SNRPD3: variants seen among roughly 807,000 people sequenced by gnomAD.
SNRPD3 encodes the protein small nuclear ribonucleoprotein D3 polypeptide.
For synonymous variants in SNRPD3, 66 were observed against 58.4 expected (o/e 1.13, Z -0.59); for missense variants, 73 against 167.5 (o/e 0.44, Z 3.11).
At chr22:24,568,848 C>T (rs1326573777) in intron 3 of SNRPD3, among the ~76,000 whole-genome samples, 1 of 152,210 alleles carries the variant, frequency 6.6e-6, no homozygotes, top group Non-Finnish European at 1.5e-5. Flanking sequence ...AGCCACTGCG[C>T]CCGGCTTATT....
chr22:24,565,646 T>G (rs1391010314), intron 2 of SNRPD3, among the ~76,000 whole-genome samples: 1 of 151,916 alleles, frequency 6.6e-6, no homozygotes, highest in African/African-American at 2.4e-5. Flanking sequence ...CCAAAACACG[T>G]TTTTTGTTTG....
intron 2 of SNRPD3, among the ~76,000 whole-genome samples, chr22:24,566,175 G>C (rs1487363347): frequency 1.3e-5 from 2 of 152,190 alleles, no homozygotes; most frequent in African/African-American, 2.4e-5. Context: ...CTGGAGCCCT[G>C]TTGCCCCTGA....
At chr22:24,566,703 C>A (rs2045199732) in intron 2 of SNRPD3, among the ~76,000 whole-genome samples, 1 of 152,146 alleles carries the variant, frequency 6.6e-6, no homozygotes, top group Non-Finnish European at 1.5e-5. Flanking sequence ...AAGGGCTGAC[C>A]CATTCTAAAT....
intron 2 of SNRPD3, among the ~76,000 whole-genome samples, chr22:24,563,977 C>T (rs1412754889): frequency 1.4e-5 from 2 of 144,224 alleles, no homozygotes; most frequent in Admixed American, 7.2e-5. Context: ...AGACACCTAG[C>T]CCTCTAGGTT....
chr22:24,572,061 G>A lies in SNRPD3; in HGVS notation c.*84G>A. 1.3e-6 allele frequency: 2 copies of A among 1,585,158 alleles called. No homozygotes were observed. The highest frequency in any genetic ancestry group is 1.7e-6 in the Non-Finnish European group (2 of 1,165,072). ...AGTGGGTGCTTGTGCATATATGCTA[G>A]GTATCTTTTGCCATCTTTCTCTTTA... On this transcript the variant is annotated 3_prime_UTR_variant, in exon 4 of 4. Coordinates refer to ENST00000215829, the MANE Select transcript of SNRPD3 (RefSeq NM_004175.5).
intron 1 of SNRPD3, among the ~76,000 whole-genome samples, chr22:24,556,438 T>G (rs2045067344): frequency 6.6e-6 from 1 of 151,278 alleles, no homozygotes; most frequent in African/African-American, 2.4e-5. Flanking sequence ...CTCGAACTCC[T>G]GGGCTCAAGG....
upstream of SNRPD3, chr22:24,555,799 G>A (rs1014176355): frequency 6.5e-7 from 1 of 1,548,768 alleles, no homozygotes; most frequent in South Asian, 1.2e-5. Context: ...CCCAAGGGTC[G>A]TTGCGGCGGC....
chr22:24,564,518 A>G (rs960388746), intron 2 of SNRPD3, among the ~76,000 whole-genome samples: 10 of 152,254 alleles, frequency 6.6e-5, no homozygotes, highest in Non-Finnish European at 1.5e-4. Flanking sequence ...TCTAGCAGGC[A>G]TGTGTGCAGT....
upstream of SNRPD3, chr22:24,555,718 C>A: frequency 6.4e-7 from 1 of 1,550,684 alleles, no homozygotes; most frequent in Non-Finnish European, 8.7e-7. Context: ...CGCGTCTCCG[C>A]CTTGCCGTCC....
At chr22:24,571,656 A>G (rs567120165) in intron 3 of SNRPD3, among the ~76,000 whole-genome samples, 2 of 151,996 alleles carry the variant, frequency 1.3e-5, no homozygotes, top group East Asian at 3.9e-4. Flanking sequence ...AGACATGAGA[A>G]TCGCCTAATC....
intron 2 of SNRPD3, among the ~76,000 whole-genome samples, chr22:24,559,010 A>G (rs1394266723): frequency 3.3e-5 from 5 of 152,178 alleles, no homozygotes; most frequent in Non-Finnish European, 5.9e-5. Context: ...CAGGACTTTT[A>G]CAAAGATCAG....
chr22:24,571,833 G>A lies in SNRPD3; in HGVS notation c.320-83G>A, dbSNP rs1440527367. 26 of 1,382,406 alleles carry A rather than the reference G, an allele frequency of 1.9e-5. 2 individuals are homozygous for A. The South Asian group carries it at 2.9e-4, about 16-fold the overall frequency. 85.6% of individuals were successfully genotyped at this position (1,382,406 alleles called of 1,614,324 possible). A position where few individuals can be genotyped will look rare whatever the true frequency, so the allele number is the denominator to read the frequency against. ...TAACCCTTCAGAACCCTTCTAACTG[G>A]TGTCCTAGGGCCCTGGCTACTCTGT... On this transcript the variant is annotated intron_variant, in intron 3 of 3. Transcript: ENST00000215829.
In SNRPD3 at chr22:24,572,875, G is replaced by C. The variant is rs1050826472; in HGVS notation, c.*898G>C. On this transcript the variant is annotated 3_prime_UTR_variant, in exon 4 of 4. Transcript: ENST00000215829. ...GAAACAGATTCTTGGGAGCATATCA[G>C]AGCATCTCAGCATTGATTGGCACAT... 2.6e-5 allele frequency: 4 copies of C among 152,456 alleles called. No homozygotes were observed. The highest frequency in any genetic ancestry group is 9.7e-5 in the African/African-American group (4 of 41,446). 9.4% of individuals were successfully genotyped at this position (152,456 alleles called of 1,614,324 possible). A position where few individuals can be genotyped will look rare whatever the true frequency, so the allele number is the denominator to read the frequency against.
At chr22:24,558,781 C>T (rs555163876) in intron 2 of SNRPD3, among the ~76,000 whole-genome samples, 8 of 152,108 alleles carry the variant, frequency 5.3e-5, no homozygotes, top group Non-Finnish European at 1.0e-4. Context: ...AGCGATTGCT[C>T]GTTAGAAGAG....
upstream of SNRPD3, chr22:24,555,958 G>T: frequency 1.1e-6 from 1 of 935,464 alleles, no homozygotes; most frequent in Non-Finnish European, 1.6e-6. Flanking sequence ...CCTGCGCGCA[G>T]CATTTTGGGA....
intron 3 of SNRPD3, among the ~76,000 whole-genome samples, chr22:24,570,411 G>T (rs908961548): frequency 2.5e-4 from 38 of 152,222 alleles, no homozygotes; most frequent in African/African-American, 8.7e-4. Flanking sequence ...GGGGCCGGGC[G>T]CAGTGGCCCA....
chr22:24,563,936 ATC>A lies in SNRPD3; in HGVS notation c.127-4044_127-4043del, dbSNP rs78070771. ...AACTATTGCTAGGAAAGTTTTTGAA[ATC>A]TCTGAATTCAATGTAATTGAATTTC... On this transcript the variant is annotated intron_variant, in intron 2 of 3. Transcript: ENST00000215829. Among the ~76,000 whole-genome samples the A allele has an allele frequency of 9.0e-3, 1,372 of 152,286 alleles. 9 individuals carry two copies. The highest frequency in any genetic ancestry group is 0.018 in the South Asian group (88 of 4,824).
intron 3 of SNRPD3, 74 bp downstream of exon 3, chr22:24,568,250 C>T (rs1218003375): frequency 4.3e-6 from 5 of 1,169,352 alleles, no homozygotes; most frequent in Non-Finnish European, 6.1e-6. Context: ...CCTATTACTG[C>T]CTGGAGACAG....
Position 24,572,036 on chromosome 22 carries a change from AGTGG to A in SNRPD3, c.*63_*66del, listed in dbSNP as rs1347325595. 1.2e-6 allele frequency: 2 copies of A among 1,607,086 alleles called. No homozygotes were observed. The highest frequency in any genetic ancestry group is 8.5e-7 in the Non-Finnish European group (1 of 1,176,366). On this transcript the variant is annotated 3_prime_UTR_variant, in exon 4 of 4. Transcript: ENST00000215829. ...CTTTCAGGTTATCTGAGTTCATTGG[AGTGG>A]GTGCTTGTGCATATATGCTAGGTAT...
Sources: gnomAD v4.1 joint callset for allele counts (sites outside exome capture counted in the v4.1 genomes callset) on GRCh38, gnomAD v4.1.1 for gene constraint, MANE v1.5 for transcripts, NCBI Gene and HGNC (gene_info 2026-07-23, HGNC 2026-07-21) for gene names.